MCF2L: variants seen among roughly 807,000 people sequenced by gnomAD.
MCF2L encodes the protein MCF.2 cell line derived transforming sequence like, also known as guanine nucleotide exchange factor DBS.
MCF2L carries 97 observed loss-of-function variants against 153.4 expected under a neutral mutation model. That is an observed-to-expected ratio of 0.63 (90% CI 0.54 to 0.75). The LOEUF (loss-of-function observed/expected upper bound fraction) is 0.75. MCF2L is among the 30% of genes least tolerant of loss of function. MCF2L has a pLI of 0.00. For missense variants in MCF2L, 1,347 were observed against 1,495.2 expected (o/e 0.90, Z 1.64); for synonymous variants, 659 against 632.2 (o/e 1.04, Z -0.64).
At chr13:112,967,002 C>T (rs1027998577), upstream of MCF2L, among the ~76,000 whole-genome samples, 1 of 152,180 alleles carries the variant, frequency 6.6e-6, no homozygotes, top group African/African-American at 2.4e-5. Flanking sequence ...CACCTGCATG[C>T]CAGGAGAGCG....
At chr13:113,066,917 G>C (rs1049550867) in intron 8 of MCF2L, among the ~76,000 whole-genome samples, 21 of 152,240 alleles carry the variant, frequency 1.4e-4, no homozygotes, top group Admixed American at 1.2e-3. Flanking sequence ...TGACTCCCAC[G>C]CAGCGTGGCC....
At chr13:112,902,080 C>A in intron 1 of MCF2L, 1 of 732,612 alleles carries the variant, frequency 1.4e-6, no homozygotes, top group Non-Finnish European at 2.3e-6. Context: ...ATACTATCTT[C>A]ACTGCAGAAT....
At chr13:112,970,553 GTGCAGGGTT>G (rs1038264628) in intron 1 of MCF2L, among the ~76,000 whole-genome samples, 19 of 152,224 alleles carry the variant, frequency 1.2e-4, no homozygotes, top group African/African-American at 4.6e-4. Context: ...GAGCTTTTCC[GTGCAGGGTT>G]TGCAGGGTTT....
At chr13:113,058,663 G>A (rs889014672) in intron 4 of MCF2L, among the ~76,000 whole-genome samples, 1 of 150,784 alleles carries the variant, frequency 6.6e-6, no homozygotes, top group African/African-American at 2.4e-5. Context: ...GGCACTGAGT[G>A]GGCGCTGTGT....
intron 3 of MCF2L, among the ~76,000 whole-genome samples, chr13:113,036,962 C>G (rs2086195684): frequency 1.3e-5 from 2 of 152,234 alleles, no homozygotes; most frequent in African/African-American, 4.8e-5. Context: ...TAGCAAGCTC[C>G]CGGATGTTTC....
chr13:113,014,923 T>C (rs1033732983), intron 2 of MCF2L, 77 bp downstream of exon 2: 1 of 1,329,778 alleles, frequency 7.5e-7, no homozygotes, highest in African/African-American at 1.4e-5. Flanking sequence ...CCCCGTGGCC[T>C]GGCCCAGGCT....
chr13:113,001,962 C>G, intron 1 of MCF2L: 1 of 1,591,882 alleles, frequency 6.3e-7, no homozygotes, highest in South Asian at 1.1e-5. Flanking sequence ...GGCGCTGTGG[C>G]TGCTGCTGAA....
chr13:113,033,319 T>A (rs796766835), intron 3 of MCF2L, among the ~76,000 whole-genome samples: 1 of 14,886 alleles, frequency 6.7e-5, no homozygotes, highest in Admixed American at 7.7e-4. Context: ...GAGTGGCCCC[T>A]GTGGCGTGAG....
upstream of MCF2L, among the ~76,000 whole-genome samples, chr13:112,967,301 GCCGC>G (rs2140784075): frequency 6.6e-6 from 1 of 152,088 alleles, no homozygotes; most frequent in South Asian, 2.1e-4. Flanking sequence ...TAGCAATTGT[GCCGC>G]CGTAGGCACC....
At position 113,064,157 on chromosome 13, in the gene MCF2L, G is replaced by A; in HGVS notation, c.490-147G>A. 1.4e-6 allele frequency: 1 copy of A among 708,518 alleles called. No individual in the cohort carries two copies. The highest frequency in any genetic ancestry group is 2.6e-6 in the Non-Finnish European group (1 of 388,332). 43.9% of individuals were successfully genotyped at this position (708,518 alleles called of 1,614,324 possible). Reference sequence around the variant, plus strand: ...TCCCATCCGCACATCCATCCGCAGTGTCCAGGTGCCCCCACCCACACAGCC... The same window carrying A: ...TCCCATCCGCACATCCATCCGCAGTATCCAGGTGCCCCCACCCACACAGCC... On this transcript the variant is annotated intron_variant, in intron 5 of 29. Coordinates refer to ENST00000535094, the MANE Select transcript of MCF2L (RefSeq NM_001112732.3). The surrounding 1 kb of genome is among the most constrained non-coding windows in gnomAD (Gnocchi z 6.0).
upstream of MCF2L, chr13:112,969,161 G>C (rs1464056367): frequency 2.0e-6 from 1 of 495,250 alleles, no homozygotes; most frequent in Non-Finnish European, 2.8e-6. The surrounding 1 kb of genome is among the most constrained non-coding windows in gnomAD (Gnocchi z 4.8). Context: ...TTCCGCTTCC[G>C]CCGAGCCGCC....
intron 2 of MCF2L, among the ~76,000 whole-genome samples, chr13:112,915,074 A>G (rs1363704432): frequency 1.3e-5 from 2 of 152,050 alleles, no homozygotes; most frequent in Non-Finnish European, 2.9e-5. Flanking sequence ...TATGGGTCCA[A>G]GTTTGCTTTT....
Position 113,096,403 on chromosome 13 carries a change from C to G in MCF2L, c.3108C>G (p.His1036Gln), listed in dbSNP as rs2035659118. ...VPGKYTVVADHEKGGPDALRV... is the reference protein window; with the variant it reads ...VPGKYTVVADQEKGGPDALRV... ...GTAAATACACGGTCGTGGCGGACCA[C>G]GAGAAGGGAGGCCCCGATGCGCTGC... is the stretch of plus-strand genomic sequence containing the variant. The change falls in exon 28 of 30, where the codon CAC (histidine) becomes CAG (glutamine). Residue 1036 changes from histidine (H) to glutamine (Q), a missense_variant. Around this residue, in one of 3 missense-constraint regions of MCF2L, gnomAD observed 383 missense variants for 335.4 expected, o/e 1.14. Transcript: ENST00000535094. The G allele has an allele frequency of 1.3e-6, 2 of 1,593,262 alleles. No individual in the cohort carries two copies. Among genetic ancestry groups the G allele is most frequent in the East Asian group, 2.3e-5 (1 of 43,816 alleles).
intron 1 of MCF2L, chr13:112,902,085 C>A: frequency 1.3e-6 from 1 of 763,910 alleles, no homozygotes; most frequent in East Asian, 2.7e-5. Flanking sequence ...ATCTTCACTG[C>A]AGAATAAATA....
chr13:112,921,228 A>C (rs781579106), intron 2 of MCF2L, among the ~76,000 whole-genome samples: 8 of 152,126 alleles, frequency 5.3e-5, no homozygotes, highest in Non-Finnish European at 8.8e-5. Flanking sequence ...CAAAACAAAA[A>C]AACTGCCAGA....
intron 3 of MCF2L, among the ~76,000 whole-genome samples, chr13:113,034,885 G>A (rs916851466): frequency 2.7e-5 from 4 of 146,762 alleles, no homozygotes; most frequent in African/African-American, 5.2e-5. Context: ...AGGTCTGCCC[G>A]AGGTGAGGAA....
intron 2 of MCF2L, among the ~76,000 whole-genome samples, chr13:112,915,460 A>T (rs935375494): frequency 6.7e-6 from 1 of 150,220 alleles, no homozygotes; most frequent in African/African-American, 2.5e-5. Flanking sequence ...AGTTGCCACC[A>T]TTAAAATAGA....
intron 3 of MCF2L, among the ~76,000 whole-genome samples, chr13:113,033,297 A>ATGACGTGAGTGGC (rs2085885059): frequency 4.0e-5 from 1 of 24,804 alleles, no homozygotes; most frequent in Non-Finnish European, 7.3e-5. Flanking sequence ...ACATTAGTGG[A>ATGACGTGAGTGGC]CCCCGTGGCG....
chr13:113,092,809 C>T (rs1418163717), intron 26 of MCF2L, among the ~76,000 whole-genome samples: 1 of 152,240 alleles, frequency 6.6e-6, no homozygotes, highest in African/African-American at 2.4e-5. Flanking sequence ...TGTTCCAGCA[C>T]AGCGCTCTTG....
Sources: allele counts gnomAD v4.1 joint callset (sites outside exome capture counted in the v4.1 genomes callset), GRCh38; gene constraint gnomAD v4.1.1; regional missense constraint gnomAD v4.1.1; non-coding constraint Gnocchi (gnomAD v3.1); transcripts MANE v1.5; gene names NCBI Gene and HGNC (gene_info 2026-07-23, HGNC 2026-07-21).